PTH2R: variants seen among roughly 807,000 people sequenced by gnomAD.
PTH2R encodes the protein PTH2 receptor.
Under a neutral mutation model 60.3 loss-of-function variants are expected in PTH2R, and 59 were observed. The observed-to-expected ratio is 0.98, with a 90% CI of 0.79 to 1.22. The LOEUF is 1.22. Among genes scored for constraint, PTH2R ranks in the 50% most tolerant of loss-of-function variants. The probability of loss-of-function intolerance (pLI) is 0.00; values close to 1 mark genes in which losing one functional copy is unlikely to be tolerated. For missense variants in PTH2R, 749 were observed against 682.6 expected (o/e 1.10, Z -1.08); for synonymous variants, 256 against 243.8 (o/e 1.05, Z -0.47).
At chr2:208,426,719 G>A (rs4234089) in intron 1 of PTH2R, among the ~76,000 whole-genome samples, 112,810 of 152,146 alleles carry the variant, frequency 0.74, 45,327 homozygotes, top group East Asian at 0.94. Flanking sequence ...GCTGCCCAGT[G>A]AAGAAGGTGC....
rs569516673 is a variant in PTH2R, at chr2:208,434,192, T to C, written c.179-3345T>C. 6.5e-4 allele frequency among the ~76,000 whole-genome samples: 99 copies of C among 152,108 alleles called. No individual in the cohort carries two copies. The Middle Eastern group carries it at 0.01, about 16-fold the overall frequency. Reference sequence around the variant, plus strand: ...AGCTGGGTGTGGTGGCGGGTGCCTGTAGTCCCAGCTACTTGGGAGGATGAA... The same window carrying C: ...AGCTGGGTGTGGTGGCGGGTGCCTGCAGTCCCAGCTACTTGGGAGGATGAA... On this transcript the variant is annotated intron_variant, in intron 2 of 12. Transcript: ENST00000272847.
At chr2:208,465,001 G>A (rs1702714176) in intron 9 of PTH2R, among the ~76,000 whole-genome samples, 1 of 151,974 alleles carries the variant, frequency 6.6e-6, no homozygotes, top group African/African-American at 2.4e-5. Flanking sequence ...TTTGAGACAG[G>A]ATCTCACTCT....
At chr2:208,419,774 C>T (rs879404952) in intron 1 of PTH2R, among the ~76,000 whole-genome samples, 16 of 152,222 alleles carry the variant, frequency 1.1e-4, no homozygotes, top group Admixed American at 3.9e-4. Flanking sequence ...ATTTATTAAA[C>T]AGGGAATCCT....
chr2:208,416,323 A>G (rs771335066), intron 1 of PTH2R, among the ~76,000 whole-genome samples: 2 of 152,202 alleles, frequency 1.3e-5, no homozygotes, highest in Non-Finnish European at 2.9e-5. Context: ...TTATTGTATT[A>G]TTTATCTGCA....
chr2:208,476,196 C>A (rs2105900875), intron 9 of PTH2R, among the ~76,000 whole-genome samples: 1 of 152,196 alleles, frequency 6.6e-6, no homozygotes, highest in South Asian at 2.1e-4. Context: ...CTCAGCTGCT[C>A]TTGGGTGAGT....
intron 1 of PTH2R, among the ~76,000 whole-genome samples, chr2:208,411,611 A>G (rs1701540798): frequency 6.6e-6 from 1 of 152,200 alleles, no homozygotes; most frequent in African/African-American, 2.4e-5. Flanking sequence ...GCAGGCATTC[A>G]TGCATCTCAC....
At chr2:208,376,781 C>T (rs747927660) in intron 1 of PTH2R, among the ~76,000 whole-genome samples, 2 of 152,030 alleles carry the variant, frequency 1.3e-5, no homozygotes, top group Admixed American at 6.6e-5. Flanking sequence ...CTCTGCAGCA[C>T]GTCACTCCCT....
chr2:208,380,812 G>A (rs1286703045), intron 1 of PTH2R, among the ~76,000 whole-genome samples: 1 of 152,108 alleles, frequency 6.6e-6, no homozygotes, highest in Admixed American at 6.5e-5. Flanking sequence ...TTAGCTGGTA[G>A]ACCTAAGCCA....
intron 9 of PTH2R, among the ~76,000 whole-genome samples, chr2:208,470,406 C>T (rs1400039472): frequency 1.3e-5 from 2 of 151,390 alleles, no homozygotes; most frequent in East Asian, 1.9e-4. Flanking sequence ...ATCCAGATCT[C>T]ATCTTGAATT....
intron 1 of PTH2R, among the ~76,000 whole-genome samples, chr2:208,424,350 A>T (rs958936928): frequency 6.6e-6 from 1 of 152,122 alleles, no homozygotes; most frequent in African/African-American, 2.4e-5. Context: ...TTCTTGTATA[A>T]GTGGTTAGCT....
At chr2:208,393,540 T>G (rs927197088) in intron 1 of PTH2R, among the ~76,000 whole-genome samples, 1 of 152,180 alleles carries the variant, frequency 6.6e-6, no homozygotes, top group African/African-American at 2.4e-5. Flanking sequence ...GGAATGGAGT[T>G]TCCACCTCTT....
intron 7 of PTH2R, among the ~76,000 whole-genome samples, chr2:208,446,788 A>G (rs1702295689): frequency 6.6e-6 from 1 of 152,210 alleles, no homozygotes; most frequent in South Asian, 2.1e-4. Flanking sequence ...TCTTATCTCA[A>G]CACTGAGAGA....
chr2:208,449,190 G>A (rs1446773296), intron 7 of PTH2R, among the ~76,000 whole-genome samples: 2 of 152,102 alleles, frequency 1.3e-5, no homozygotes. Flanking sequence ...CAGACTGTAT[G>A]GTGGATTTAT....
At chr2:208,488,984 A>T in intron 10 of PTH2R, 28 bp from the exon 11 acceptor site, 1 of 1,612,266 alleles carries the variant, frequency 6.2e-7, no homozygotes, top group Non-Finnish European at 8.5e-7. Context: ...CTAGTTAATG[A>T]ATGAAAAGAC....
At position 208,439,110 on chromosome 2, in the gene PTH2R, T is replaced by G. The variant is rs544832988; in HGVS notation, c.411+1229T>G. On this transcript the variant is annotated intron_variant, in intron 4 of 12. Transcript: ENST00000272847. Reference sequence around the variant, plus strand: ...TTATCTTCATTTTTGCATTACATGATGAAAAATGCAAACCTTTCAGAGCTG... The same window carrying G: ...TTATCTTCATTTTTGCATTACATGAGGAAAAATGCAAACCTTTCAGAGCTG... 2.0e-5 allele frequency among the ~76,000 whole-genome samples: 3 copies of G among 152,270 alleles called. No individual in the cohort carries two copies. The South Asian group carries it at 6.2e-4, about 32-fold the overall frequency.
chr2:208,460,845 C>A (rs538341372), intron 9 of PTH2R, among the ~76,000 whole-genome samples: 3 of 152,248 alleles, frequency 2.0e-5, no homozygotes, highest in Non-Finnish European at 4.4e-5. Context: ...AACAATGTAG[C>A]AACTTGATTA....
chr2:208,491,814 TC>T (rs1261200931), intron 12 of PTH2R, among the ~76,000 whole-genome samples: 1 of 152,248 alleles, frequency 6.6e-6, no homozygotes, highest in African/African-American at 2.4e-5. Context: ...TTTCTCCACT[TC>T]CTCTGTGCCC....
At chr2:208,437,984 A>T (rs1415224389) in intron 4 of PTH2R, 103 bp downstream of exon 4, 2 of 1,394,788 alleles carry the variant, frequency 1.4e-6, no homozygotes, top group Non-Finnish European at 2.0e-6. Flanking sequence ...CTCTTATTCC[A>T]CGACACAAGG....
chr2:208,407,103 C>G lies in PTH2R; in HGVS notation c.60C>G (p.Leu20=). Residue 20 remains leucine, a synonymous_variant, in exon 1 of 13, where the codon CTC becomes CTG. Coordinates refer to ENST00000272847, the MANE Select transcript of PTH2R (RefSeq NM_005048.4). Reference sequence around the variant, plus strand: ...GTTGGCTAATGCTCGGCAGCTGCCTCCTGGCCAGAGCCCAGGTAAGAGCCA... The same window carrying G: ...GTTGGCTAATGCTCGGCAGCTGCCTGCTGGCCAGAGCCCAGGTAAGAGCCA... The part of the protein sequence containing the change: ...VWGWLMLGSC[L]LARAQLDSDG... The G allele has an allele frequency of 7.2e-7, 1 of 1,396,322 alleles. No individual in the cohort carries two copies. The allele number at this position is 1,396,322 out of a possible 1,614,324, so 86.5% of individuals were successfully genotyped here. A position where few individuals can be genotyped will look rare whatever the true frequency, so the allele number is the denominator to read the frequency against.
Sources: allele counts gnomAD v4.1 joint callset (sites outside exome capture counted in the v4.1 genomes callset), GRCh38; gene constraint gnomAD v4.1.1; transcripts MANE v1.5; gene names NCBI Gene and HGNC (gene_info 2026-07-23, HGNC 2026-07-21).